CFAP69: variants seen among roughly 807,000 people sequenced by gnomAD.
CFAP69 encodes cilia- and flagella-associated protein 69.
A neutral mutation model predicts 123.0 loss-of-function variants in CFAP69; 92 were observed. The observed-to-expected ratio is 0.75, with a 90% CI of 0.63 to 0.89. The LOEUF (loss-of-function observed/expected upper bound fraction) is 0.89. Ranked by LOEUF, CFAP69 falls within the 40% of genes least tolerant of loss-of-function variation. The pLI is 0.00. For synonymous variants in CFAP69, 380 were observed against 364.3 expected, an observed-to-expected ratio of 1.04 and a Z score of -0.49; for missense variants, 1,067 against 1,096.9, an observed-to-expected ratio of 0.97 and a Z score of 0.39.
intron 11 of CFAP69, among the ~76,000 whole-genome samples, chr7:90,279,450 C>G (rs1032517242): frequency 6.6e-6 from 1 of 151,432 alleles, no homozygotes; most frequent in African/African-American, 2.4e-5. Context: ...AAAATTAATA[C>G]ATATTTTATA....
chr7:90,265,586 T>C (rs968721524), intron 5 of CFAP69, among the ~76,000 whole-genome samples: 2 of 152,236 alleles, frequency 1.3e-5, no homozygotes, highest in Admixed American at 1.3e-4. Context: ...TAAAAGTCCA[T>C]CTTCTAAGTA....
At position 90,282,928 on chromosome 7, in the gene CFAP69, C is replaced by T; in HGVS notation, c.1409C>T (p.Thr470Ile). The T allele has an allele frequency of 1.9e-6, 3 of 1,578,960 alleles. No individual in the cohort carries two copies. Among genetic ancestry groups the T allele is most frequent in the East Asian group, 2.3e-5 (1 of 42,822 alleles). Reference protein sequence around the residue: ...FFSHGNSFHGTGGRGNKFAQM... With the variant: ...FFSHGNSFHGIGGRGNKFAQM... ...AGTCATGGTAACAGTTTTCATGGTA[C>T]AGGTGGCCGAGGCAACAAGTTTGCC... Residue 470 changes from threonine (T) to isoleucine (I), a missense_variant, in exon 13 of 23, where the codon ACA (threonine) becomes ATA (isoleucine). Physicochemically the swap from Thr to Ile is moderately conservative, Grantham distance 89. Coordinates refer to ENST00000389297, the MANE Select transcript of CFAP69 (RefSeq NM_001039706.3).
chr7:90,270,882 A>G (rs1307833671), intron 6 of CFAP69, among the ~76,000 whole-genome samples: 1 of 152,116 alleles, frequency 6.6e-6, no homozygotes, highest in Non-Finnish European at 1.5e-5. Flanking sequence ...TTTATAAGAC[A>G]TGTCACCAAG....
chr7:90,245,448 G>C lies in CFAP69; in HGVS notation c.24G>C (p.Ala8=), dbSNP rs149099697. Residue 8 remains alanine, a synonymous_variant, in exon 1 of 23, where the codon GCG becomes GCC. Transcript: ENST00000389297. ...CCATGTGGACAGAGGAAGCCGGGGC[G>C]ACCGCCGAGGCCCAGGAATCCGGCA... is the stretch of plus-strand genomic sequence containing the variant. MWTEEAG[A]TAEAQESGIR... 1.3e-6 allele frequency: 2 copies of C among 1,557,702 alleles called. No homozygotes were observed. The highest frequency in any genetic ancestry group is 2.8e-5 in the African/African-American group (2 of 70,470).
intron 1 of CFAP69, 48 bp from the exon 2 acceptor site, chr7:90,255,375 A>T (rs745398306): frequency 6.8e-5 from 98 of 1,445,548 alleles, no homozygotes; most frequent in Non-Finnish European, 8.8e-5. Flanking sequence ...GATATGACTT[A>T]TTGATATAGA....
At chr7:90,298,400 A>G (rs754398404) in intron 16 of CFAP69, among the ~76,000 whole-genome samples, 12 of 152,190 alleles carry the variant, frequency 7.9e-5, no homozygotes, top group Non-Finnish European at 1.6e-4. Flanking sequence ...CTCAATTCTA[A>G]CTGGAATCCA....
chr7:90,316,810 T>A, the CFAP69 span: 2 of 152,176 alleles, frequency 1.3e-5, no homozygotes, highest in Non-Finnish European at 1.5e-5. Context: ...CATTTTGCCA[T>A]TAACTGGAAG....
At chr7:90,318,060 G>T in the CFAP69 span, 2 of 152,152 alleles carry the variant, frequency 1.3e-5, no homozygotes, top group South Asian at 2.1e-4. Flanking sequence ...GGAGAAGTGG[G>T]AAACAGACCA....
intron 8 of CFAP69, among the ~76,000 whole-genome samples, 175 bp from the exon 9 acceptor site, chr7:90,273,785 ATGGAGGAAAGAGAGCAAGACAGCTCTC>A (rs1033514586): frequency 2.0e-5 from 3 of 152,080 alleles, no homozygotes; most frequent in Admixed American, 6.6e-5. Flanking sequence ...GTATTCTTAC[ATGGAGGAAAGAGAGCAAGACAGCTCTC>A]TGGAGTCCCT....
intron 8 of CFAP69, 87 bp downstream of exon 8, chr7:90,272,045 T>C (rs978175316): frequency 7.9e-7 from 1 of 1,261,060 alleles, no homozygotes; most frequent in Non-Finnish European, 1.1e-6. Context: ...TGAATCTGTG[T>C]TCAATTATGT....
intron 14 of CFAP69, chr7:90,287,370 C>A: frequency 3.0e-6 from 1 of 328,188 alleles, no homozygotes; most frequent in Non-Finnish European, 4.4e-6. Flanking sequence ...GTAGGTGTAT[C>A]TTTATAAGAA....
intron 13 of CFAP69, among the ~76,000 whole-genome samples, chr7:90,283,861 A>G (rs1789853573): frequency 6.6e-6 from 1 of 152,132 alleles, no homozygotes; most frequent in Non-Finnish European, 1.5e-5. Context: ...CTCTTCCATC[A>G]CTAGTGGAGT....
intron 4 of CFAP69, among the ~76,000 whole-genome samples, chr7:90,262,433 ATATAT>A (rs1328487005): frequency 2.0e-5 from 3 of 152,122 alleles, no homozygotes; most frequent in African/African-American, 7.2e-5. Context: ...AGTCTCAAAG[ATATAT>A]TAGGTTATAT....
intron 6 of CFAP69, among the ~76,000 whole-genome samples, chr7:90,271,018 A>G (rs1424030939): frequency 6.6e-6 from 1 of 152,160 alleles, no homozygotes; most frequent in Non-Finnish European, 1.5e-5. Flanking sequence ...GAAGTAATGC[A>G]TTGAACCTGA....
downstream of CFAP69, among the ~76,000 whole-genome samples, chr7:90,315,268 G>A (rs554368450): frequency 9.2e-5 from 14 of 152,170 alleles, no homozygotes; most frequent in African/African-American, 3.4e-4. Flanking sequence ...ATGCTCAGGG[G>A]AATATAAATC....
chr7:90,254,482 T>C (rs1797406299), intron 1 of CFAP69, among the ~76,000 whole-genome samples: 1 of 152,140 alleles, frequency 6.6e-6, no homozygotes, highest in Non-Finnish European at 1.5e-5. Flanking sequence ...CGGGAGTGCC[T>C]GAAAGCAAAA....
intron 5 of CFAP69, among the ~76,000 whole-genome samples, chr7:90,267,580 C>T (rs1016270530): frequency 2.6e-5 from 4 of 152,118 alleles, no homozygotes; most frequent in Admixed American, 2.0e-4. Context: ...TGACTGAAAA[C>T]GAACCTTCCT....
At chr7:90,287,803 A>G (rs1790525293) in intron 14 of CFAP69, 1 of 911,156 alleles carries the variant, frequency 1.1e-6, no homozygotes, top group South Asian at 5.0e-5. Context: ...AAATTATTAA[A>G]TGTTTTAACT....
chr7:90,283,798 T>G (rs1789842217), intron 13 of CFAP69, among the ~76,000 whole-genome samples: 1 of 152,150 alleles, frequency 6.6e-6, no homozygotes, highest in Non-Finnish European at 1.5e-5. Flanking sequence ...AGATGTCAAT[T>G]AATTATAAAT....
Sources: allele counts gnomAD v4.1 joint callset (sites outside exome capture counted in the v4.1 genomes callset), GRCh38; gene constraint gnomAD v4.1.1; transcripts MANE v1.5; gene names NCBI Gene and HGNC (gene_info 2026-07-23, HGNC 2026-07-21).